Variants in LAMB1 observed in about 807,000 individuals in gnomAD.
LAMB1 encodes laminin subunit beta-1.
A neutral mutation model predicts 222.3 loss-of-function variants in LAMB1; 121 were observed. The ratio of observed to expected loss-of-function variants is 0.54; its 90% CI spans 0.47 to 0.63. The LOEUF (loss-of-function observed/expected upper bound fraction) is 0.63. Ranked by LOEUF, LAMB1 falls within the 30% of genes least tolerant of loss-of-function variation. The pLI is 0.00. For synonymous variants in LAMB1, 794 were observed against 807.2 expected (o/e 0.98, Z 0.28); for missense variants, 2,172 against 2,240.8 (o/e 0.97, Z 0.62).
In LAMB1 at chr7:107,932,229, T is replaced by C. The variant is rs573737336; in HGVS notation, c.4337A>G (p.Asp1446Gly). The C allele has an allele frequency of 6.2e-7, 1 of 1,614,232 alleles. No homozygotes were observed. Among genetic ancestry groups the C allele is most frequent in the Admixed American group, 1.7e-5 (1 of 60,030 alleles). The change falls in exon 28 of 34, where the codon GAC (aspartate) becomes GGC (glycine). Residue 1446 changes from aspartate to glycine, a missense_variant. Physicochemically the swap from Asp to Gly is moderately conservative, Grantham distance 94. Transcript: ENST00000222399. Reference sequence around the variant, plus strand: ...GGCACTCAGGACATCTTGGTCCAAGTCCATGGCTTTCTGCCAGGCGTTGTG... The same window carrying C: ...GGCACTCAGGACATCTTGGTCCAAGCCCATGGCTTTCTGCCAGGCGTTGTG... Reference protein sequence around the residue: ...VAHNAWQKAMDLDQDVLSALA... With the variant: ...VAHNAWQKAMGLDQDVLSALA...
At chr7:107,974,102 A>G (rs766932376) in intron 12 of LAMB1, among the ~76,000 whole-genome samples, 11 of 152,138 alleles carry the variant, frequency 7.2e-5, no homozygotes, top group Non-Finnish European at 1.5e-4. Context: ...GACTTCCAGA[A>G]ATCTCCTTTA....
At position 107,935,449 on chromosome 7, in the gene LAMB1, A is replaced by G; in HGVS notation, c.4154T>C (p.Leu1385Pro). Residue 1385 changes from leucine to proline, a missense_variant, in exon 27 of 34, where the codon CTA becomes CCA. Transcript: ENST00000222399. ...ARLLDELAGK[L>P]QSLDLSAAAE... Reference sequence around the variant, plus strand: ...AGCGGCTGAAAGGTCTAGGCTTTGTAGCTTGCCTGCCAGTTCATCAAGGAG... The same window carrying G: ...AGCGGCTGAAAGGTCTAGGCTTTGTGGCTTGCCTGCCAGTTCATCAAGGAG... The G allele has an allele frequency of 6.4e-7, 1 of 1,559,356 alleles. No individual in the cohort carries two copies. Among genetic ancestry groups the G allele is most frequent in the Non-Finnish European group, 8.7e-7 (1 of 1,153,980 alleles).
At position 108,001,718 on chromosome 7, in the gene LAMB1, C is replaced by T; in HGVS notation, c.53G>A (p.Arg18Gln). ...GAACTCGGGTTCCTGAGCGCGCACT[C>T]GGGCTCTGCACAGGGCTGCGGGAAG... ...AFSFLALCRA[R>Q]VRAQEPEFSY... The change falls in exon 3 of 34, where the codon CGA becomes CAA. Residue 18 changes from arginine (R) to glutamine (Q), a missense_variant. Physicochemically the swap from Arg to Gln is conservative, Grantham distance 43. Transcript: ENST00000222399. 1 of 1,612,738 alleles carries T rather than the reference C, an allele frequency of 6.2e-7. No homozygotes were observed. Among genetic ancestry groups the T allele is most frequent in the South Asian group, 1.1e-5 (1 of 90,944 alleles).
intron 7 of LAMB1, among the ~76,000 whole-genome samples, chr7:107,984,781 T>C (rs989824256): frequency 2.0e-5 from 3 of 152,178 alleles, no homozygotes; most frequent in African/African-American, 7.2e-5. Context: ...AAATATCACA[T>C]AGGACATGGT....
At chr7:107,976,853 TCCTCTCCTTCCTTC>T (rs1370649597) in intron 9 of LAMB1, among the ~76,000 whole-genome samples, 2 of 116,460 alleles carry the variant, frequency 1.7e-5, no homozygotes, top group South Asian at 2.8e-4. Context: ...TTCCTTCCTT[TCCTCTCCTTCCTTC>T]CTTCCTTTCC....
At chr7:107,951,481 G>A (rs900466362) in intron 23 of LAMB1, among the ~76,000 whole-genome samples, 159 bp from the exon 24 acceptor site, 26 of 152,310 alleles carry the variant, frequency 1.7e-4, no homozygotes, top group African/African-American at 5.1e-4. Flanking sequence ...CGTAGGTGTC[G>A]AGAGCCCCAT....
At chr7:107,948,266 C>G (rs1161302613) in intron 24 of LAMB1, among the ~76,000 whole-genome samples, 1 of 152,242 alleles carries the variant, frequency 6.6e-6, no homozygotes, top group African/African-American at 2.4e-5. Flanking sequence ...GGATTACAGG[C>G]GTGAACCACC....
chr7:107,993,137 C>T (rs1385533657), intron 5 of LAMB1, among the ~76,000 whole-genome samples: 1 of 151,934 alleles, frequency 6.6e-6, no homozygotes, highest in Non-Finnish European at 1.5e-5. Flanking sequence ...ATAACTTGTA[C>T]CTATTCTTTT....
chr7:108,002,354 C>T, intron 2 of LAMB1: 1 of 1,316,240 alleles, frequency 7.6e-7, no homozygotes, highest in African/African-American at 1.5e-5. Flanking sequence ...AAGGCTTCTC[C>T]ATTCCAGGGA....
chr7:107,934,877 G>A (rs2032800771), intron 27 of LAMB1, among the ~76,000 whole-genome samples: 1 of 139,524 alleles, frequency 7.2e-6, no homozygotes, highest in Non-Finnish European at 1.5e-5. Flanking sequence ...GTCAGCCTGG[G>A]CAACGTAGTG....
At chr7:107,936,898 CT>C (rs1208314106) in intron 26 of LAMB1, among the ~76,000 whole-genome samples, 194 bp downstream of exon 26, 2 of 152,022 alleles carry the variant, frequency 1.3e-5, no homozygotes, top group Non-Finnish European at 2.9e-5. Context: ...TTTGCTATGT[CT>C]CTTAGGTTCT....
At chr7:107,977,566 T>C (rs2033892534) in intron 9 of LAMB1, among the ~76,000 whole-genome samples, 1 of 152,038 alleles carries the variant, frequency 6.6e-6, no homozygotes, top group African/African-American at 2.4e-5. Flanking sequence ...GGTGGGTAGA[T>C]CACTTGAGGT....
At chr7:107,924,483 T>C in intron 32 of LAMB1, 94 bp from the exon 33 acceptor site, 1 of 922,046 alleles carries the variant, frequency 1.1e-6, no homozygotes, top group Non-Finnish European at 1.6e-6. Flanking sequence ...GCATTCTGGA[T>C]TAAGGGCCAC....
At chr7:107,940,646 C>G (rs2032959580) in intron 24 of LAMB1, 2 of 345,452 alleles carry the variant, frequency 5.8e-6, no homozygotes, top group South Asian at 4.6e-5. Flanking sequence ...TTATAATAAT[C>G]ACTATTTCAC....
intron 24 of LAMB1, among the ~76,000 whole-genome samples, chr7:107,949,844 T>A (rs892913702): frequency 1.3e-5 from 2 of 152,208 alleles, no homozygotes; most frequent in Admixed American, 1.3e-4. Context: ...TTCCTGACCT[T>A]CTGTAGGAGA....
At chr7:107,980,464 C>T (rs749557598) in intron 8 of LAMB1, 145 bp downstream of exon 8, 7 of 621,284 alleles carry the variant, frequency 1.1e-5, no homozygotes, top group Non-Finnish European at 1.7e-5. Context: ...CAACAATCAG[C>T]TACCTGTATG....
intron 31 of LAMB1, among the ~76,000 whole-genome samples, chr7:107,928,325 T>C (rs1246570359): frequency 6.6e-6 from 1 of 152,234 alleles, no homozygotes; most frequent in African/African-American, 2.4e-5. Flanking sequence ...GCAGACTGAC[T>C]GTTCTCCCAT....
intron 21 of LAMB1, among the ~76,000 whole-genome samples, chr7:107,954,503 A>C (rs983781365): frequency 6.6e-6 from 1 of 151,750 alleles, no homozygotes; most frequent in Non-Finnish European, 1.5e-5. Context: ...GGCTGGGCGC[A>C]GTGGCTCACG....
rs1453713434 is a variant in LAMB1 at position 107,940,247 on chromosome 7, C to T, written c.3503G>A (p.Gly1168Glu). 6.2e-7 allele frequency: 1 copy of T among 1,614,104 alleles called. No homozygotes were observed. The highest frequency in any genetic ancestry group is 8.5e-7 in the Non-Finnish European group (1 of 1,180,054). The change falls in exon 25 of 34, where the codon GGG becomes GAG. Residue 1168 changes from glycine (G) to glutamate (E), a missense_variant. By Grantham distance (98) the Gly-to-Glu change is moderately conservative. Coordinates refer to ENST00000222399, the MANE Select transcript of LAMB1 (RefSeq NM_002291.3). ...GCAGTCAGGGAAGACCCCCGAGTAC[C>T]CTCGCGTGCACTTGTCACAGCGTGG... ...EGPRCDKCTR[G>E]YSGVFPDCTP...
Sources: gnomAD v4.1 joint callset for allele counts (sites outside exome capture counted in the v4.1 genomes callset) on GRCh38, gnomAD v4.1.1 for gene constraint, MANE v1.5 for transcripts, NCBI Gene and HGNC (gene_info 2026-07-23, HGNC 2026-07-21) for gene names.